CTNND1: variants seen among roughly 807,000 people sequenced by gnomAD.
CTNND1 encodes catenin delta-1.
In CTNND1, 16 loss-of-function variants were observed where a neutral mutation model predicts 112.1. That is an observed-to-expected ratio of 0.14 (90% CI 0.10 to 0.22). The LOEUF (loss-of-function observed/expected upper bound fraction) is 0.22, where lower values mean the gene tolerates loss of function less well. CTNND1 is among the 10% of genes least tolerant of loss of function. The pLI, the probability that CTNND1 is intolerant of heterozygous loss-of-function variation, is 1.00. For synonymous variants in CTNND1, 420 were observed against 446.5 expected (o/e 0.94, Z 0.75); for missense variants, 1,008 against 1,257.0 (o/e 0.80, Z 3.00).
chr11:57,816,243 G>A, intron 20 of CTNND1, 54 bp from the exon 21 acceptor site: 2 of 1,610,080 alleles, frequency 1.2e-6, no homozygotes, highest in Non-Finnish European at 1.7e-6. Context: ...TTTGGGGGGG[G>A]TCTCCTTAAT....
At chr11:57,764,398 G>C (rs897364664) in intron 1 of CTNND1, among the ~76,000 whole-genome samples, 4 of 152,146 alleles carry the variant, frequency 2.6e-5, no homozygotes, top group Non-Finnish European at 4.4e-5. Context: ...TTACAATCCA[G>C]CCTTAGGTTT....
Position 57,780,286 on chromosome 11 carries a change from C to T in CTNND1, c.-213-8751C>T, listed in dbSNP as rs372001204. Among the ~76,000 whole-genome samples the T allele has an allele frequency of 1.1e-4, 17 of 152,222 alleles. No homozygotes were observed. In the East Asian group the frequency reaches 3.1e-3, roughly 28 times the overall value. On this transcript the variant is annotated intron_variant, in intron 1 of 20. Transcript: ENST00000399050. ...CCCAGGCTGGTCTCAAACTCCTGAGCTCAAGCAGTCTGCCTGCCTCAGCCT... is the reference window on the plus strand; with the variant it reads ...CCCAGGCTGGTCTCAAACTCCTGAGTTCAAGCAGTCTGCCTGCCTCAGCCT...
Position 57,815,374 on chromosome 11 carries a change from AC to A in CTNND1, c.2702-19del. On this transcript the variant is annotated intron_variant, in intron 18 of 20. Coordinates refer to ENST00000399050, the MANE Select transcript of CTNND1 (RefSeq NM_001085458.2). ...AGAGGGGAATGTCATATTTCTGTGTACTTTTTTTTTTTTAACCAGATAACAA... is the reference window on the plus strand; with the variant it reads ...AGAGGGGAATGTCATATTTCTGTGTATTTTTTTTTTTTAACCAGATAACAA... 1 of 1,310,352 alleles carries A rather than the reference AC, an allele frequency of 7.6e-7. No homozygotes were observed. Among genetic ancestry groups the A allele is most frequent in the Non-Finnish European group, 1.1e-6 (1 of 934,070 alleles). The allele number at this position is 1,310,352 out of a possible 1,614,324, so 81.2% of individuals were successfully genotyped here. A position where few individuals can be genotyped will look rare whatever the true frequency, so the allele number is the denominator to read the frequency against.
At chr11:57,775,035 T>A (rs1162512186) in intron 1 of CTNND1, among the ~76,000 whole-genome samples, 1 of 151,570 alleles carries the variant, frequency 6.6e-6, no homozygotes, top group Non-Finnish European at 1.5e-5. Flanking sequence ...TTTTTTTTTT[T>A]AAGACATGAA....
At chr11:57,780,761 T>C (rs2059488256) in intron 1 of CTNND1, among the ~76,000 whole-genome samples, 1 of 152,194 alleles carries the variant, frequency 6.6e-6, no homozygotes, top group Non-Finnish European at 1.5e-5. Flanking sequence ...AAGGAAGACA[T>C]ACTCCAAACT....
intron 1 of CTNND1, among the ~76,000 whole-genome samples, chr11:57,766,147 C>T (rs551249535): frequency 3.3e-5 from 5 of 152,164 alleles, no homozygotes; most frequent in Admixed American, 2.6e-4. Context: ...TATCCTAGTC[C>T]GTTCATTTCA....
At chr11:57,769,781 C>T (rs1952103986) in intron 1 of CTNND1, among the ~76,000 whole-genome samples, 1 of 152,158 alleles carries the variant, frequency 6.6e-6, no homozygotes, top group Non-Finnish European at 1.5e-5. Flanking sequence ...CACTTCATTT[C>T]AGTTAGATCT....
chr11:57,797,641 A>G (rs1434476843), intron 6 of CTNND1, among the ~76,000 whole-genome samples: 5 of 148,480 alleles, frequency 3.4e-5, no homozygotes, highest in African/African-American at 4.9e-5. Flanking sequence ...TCCGGAGTTC[A>G]AGACCAGCCT....
At chr11:57,811,944 A>G (rs2063413443) in intron 17 of CTNND1, among the ~76,000 whole-genome samples, 1 of 152,200 alleles carries the variant, frequency 6.6e-6, no homozygotes, top group South Asian at 2.1e-4. Context: ...GATGAATTAT[A>G]TATTTTGTTT....
At chr11:57,776,374 C>CT (rs1331493354) in intron 1 of CTNND1, among the ~76,000 whole-genome samples, 1 of 152,130 alleles carries the variant, frequency 6.6e-6, no homozygotes, top group African/African-American at 2.4e-5. Flanking sequence ...CTCAGCAACT[C>CT]TTATGTAGTG....
chr11:57,787,481 CAT>C (rs2060255588), intron 1 of CTNND1, among the ~76,000 whole-genome samples: 1 of 152,222 alleles, frequency 6.6e-6, no homozygotes, highest in Non-Finnish European at 1.5e-5. Flanking sequence ...TTGTATATAA[CAT>C]ACATTGTCTC....
chr11:57,815,586 A>G lies in CTNND1; in HGVS notation c.2808+86A>G, dbSNP rs769594100. ...TTTTGTGAAACACAAAAAAAAGTAC[A>G]GAGAAAGATCGCATCCTTTTCTGGT... On this transcript the variant is annotated intron_variant, in intron 19 of 20. Coordinates refer to ENST00000399050, the MANE Select transcript of CTNND1 (RefSeq NM_001085458.2). 17 of 1,155,596 alleles carry G rather than the reference A, an allele frequency of 1.5e-5. No homozygotes were observed. In the East Asian group the frequency reaches 4.0e-4, roughly 27 times the overall value. The allele number at this position is 1,155,596 out of a possible 1,614,324, so 71.6% of individuals were successfully genotyped here.
chr11:57,791,367 C>G lies in CTNND1; in HGVS notation c.-94-18C>G. The G allele has an allele frequency of 7.4e-7, 1 of 1,359,752 alleles. No individual in the cohort carries two copies. Among genetic ancestry groups the G allele is most frequent in the Non-Finnish European group, 9.5e-7 (1 of 1,049,714 alleles). 84.2% of individuals were successfully genotyped at this position (1,359,752 alleles called of 1,614,324 possible). ...ACCTGTGACCTTTTCTCTCCTTTCT[C>G]TTACCCTTTCCCGGTAGTGTGAAGT... On this transcript the variant is annotated intron_variant, in intron 2 of 20. Coordinates refer to ENST00000399050, the MANE Select transcript of CTNND1 (RefSeq NM_001085458.2).
intron 1 of CTNND1, among the ~76,000 whole-genome samples, chr11:57,768,470 T>A (rs1951692737): frequency 7.2e-6 from 1 of 138,720 alleles, no homozygotes; most frequent in African/African-American, 2.7e-5. Flanking sequence ...CTCGGCTCAC[T>A]GCAAGCTCTG....
chr11:57,810,344 TCG>T, intron 16 of CTNND1, 121 bp downstream of exon 16: 2 of 665,134 alleles, frequency 3.0e-6, no homozygotes. Context: ...TTTTTCTTTT[TCG>T]GAGACAGAGT....
chr11:57,794,148 C>T (rs757805272), intron 4 of CTNND1, 67 bp downstream of exon 4: 76 of 1,409,830 alleles, frequency 5.4e-5, no homozygotes, highest in Non-Finnish European at 7.3e-5. Context: ...CCTATAAGAG[C>T]ATATTTGTGT....
chr11:57,776,106 G>A (rs866236883), intron 1 of CTNND1, among the ~76,000 whole-genome samples: 1 of 152,160 alleles, frequency 6.6e-6, no homozygotes, highest in Non-Finnish European at 1.5e-5. Flanking sequence ...TTTTTGAATT[G>A]AGCCAAGAAA....
At chr11:57,809,214 TG>T in intron 14 of CTNND1, 59 bp from the exon 15 acceptor site, 2 of 1,244,780 alleles carry the variant, frequency 1.6e-6, no homozygotes, top group South Asian at 2.6e-5. Context: ...TTAAGTATAA[TG>T]TAAGGCTCTT....
At chr11:57,794,485 T>G (rs890330668) in intron 4 of CTNND1, among the ~76,000 whole-genome samples, 2 of 152,178 alleles carry the variant, frequency 1.3e-5, no homozygotes, top group African/African-American at 4.8e-5. Flanking sequence ...CAGGTTTGTC[T>G]TAAAAGTTCT....
Sources: allele counts gnomAD v4.1 joint callset (sites outside exome capture counted in the v4.1 genomes callset), GRCh38; gene constraint gnomAD v4.1.1; transcripts MANE v1.5; gene names NCBI Gene and HGNC (gene_info 2026-07-23, HGNC 2026-07-21).